Variants in NRXN1 observed in about 807,000 individuals in gnomAD.
NRXN1 encodes neurexin-1.
In NRXN1, 39 loss-of-function variants were observed where a neutral mutation model predicts 150.9. The observed-to-expected ratio is 0.26, with a 90% CI of 0.20 to 0.34. The LOEUF is 0.34. Ranked by LOEUF, NRXN1 falls within the 10% of genes least tolerant of loss-of-function variation. The pLI is 1.00. For synonymous variants in NRXN1, 924 were observed against 757.0 expected, an observed-to-expected ratio of 1.22 and a Z score of -3.62; for missense variants, 1,815 against 1,949.9, an observed-to-expected ratio of 0.93 and a Z score of 1.30.
At chr2:50,491,447 G>C (rs574803016) in intron 15 of NRXN1, among the ~76,000 whole-genome samples, 1 of 152,150 alleles carries the variant, frequency 6.6e-6, no homozygotes, top group South Asian at 2.1e-4. Flanking sequence ...AAGTGGCTTC[G>C]TAGCAGGATG....
intron 17 of NRXN1, among the ~76,000 whole-genome samples, chr2:50,239,280 TTA>T (rs2065764944): frequency 6.6e-6 from 1 of 151,806 alleles, no homozygotes; most frequent in Admixed American, 6.6e-5. Context: ...GTGCTGATAC[TTA>T]ATAATTAATT....
At chr2:50,757,307 A>C (rs1701255530) in intron 5 of NRXN1, among the ~76,000 whole-genome samples, 1 of 151,816 alleles carries the variant, frequency 6.6e-6, no homozygotes, top group South Asian at 2.1e-4. Context: ...CATGTGCAAG[A>C]GAAAAAAAGT....
chr2:50,701,605 G>A (rs547017816), intron 5 of NRXN1, among the ~76,000 whole-genome samples: 58 of 152,042 alleles, frequency 3.8e-4, no homozygotes, highest in Non-Finnish European at 2.5e-4. Context: ...CTCTGTCAGC[G>A]TCCTGCATAT....
intron 8 of NRXN1, among the ~76,000 whole-genome samples, chr2:50,607,285 T>G (rs570079063): frequency 2.5e-4 from 38 of 152,178 alleles, no homozygotes; most frequent in Non-Finnish European, 5.4e-4. Flanking sequence ...ATGTTTCTAC[T>G]TGTGTCAGTT....
intron 12 of NRXN1, among the ~76,000 whole-genome samples, chr2:50,510,650 G>T (rs148036298): frequency 1.1e-3 from 167 of 152,038 alleles, no homozygotes; most frequent in African/African-American, 3.9e-3. Context: ...TATTATTTAA[G>T]CCAGATATAT....
intron 5 of NRXN1, among the ~76,000 whole-genome samples, chr2:50,720,256 G>A (rs1010501564): frequency 2.6e-5 from 4 of 151,432 alleles, no homozygotes; most frequent in Non-Finnish European, 5.9e-5. Flanking sequence ...CTTCATTTTC[G>A]AAACTCCCAC....
At chr2:50,235,767 T>C (rs779806796) in intron 18 of NRXN1, among the ~76,000 whole-genome samples, 1 of 151,944 alleles carries the variant, frequency 6.6e-6, no homozygotes, top group Non-Finnish European at 1.5e-5. Context: ...ACTTCCATGG[T>C]CGCTTAATGC....
intron 5 of NRXN1, among the ~76,000 whole-genome samples, chr2:50,662,392 C>T (rs1043965586): frequency 6.6e-6 from 1 of 151,978 alleles, no homozygotes; most frequent in African/African-American, 2.4e-5. Context: ...GAATGGTTAA[C>T]ATTTCAAGAA....
rs975336068 is a variant in NRXN1, at chr2:50,946,583, A to C, written c.773-20628T>G. ...CATTTTTAACCACATAAGAGCAAAAACACTCATTTAGGTATTTACTTACAT... is the reference window on the plus strand; with the variant it reads ...CATTTTTAACCACATAAGAGCAAAACCACTCATTTAGGTATTTACTTACAT... On this transcript the variant is annotated intron_variant, in intron 2 of 22. Transcript: ENST00000401669. 8.7e-4 allele frequency among the ~76,000 whole-genome samples: 132 copies of C among 152,242 alleles called. 1 individual carries two copies. Among genetic ancestry groups the C allele is most frequent in the African/African-American group, 3.1e-3 (129 of 41,554 alleles).
chr2:50,164,982 A>T (rs1203754472), intron 18 of NRXN1, among the ~76,000 whole-genome samples: 1 of 152,114 alleles, frequency 6.6e-6, no homozygotes, highest in Non-Finnish European at 1.5e-5. Context: ...ATGAGGAGAG[A>T]GAGGTGTCTA....
intron 21 of NRXN1, among the ~76,000 whole-genome samples, chr2:50,000,659 C>G (rs896537043): frequency 1.3e-5 from 2 of 152,154 alleles, no homozygotes; most frequent in Admixed American, 6.5e-5. Flanking sequence ...GAATATGACT[C>G]TAGATAATAG....
chr2:49,922,579 C>T (rs571784802), intron 22 of NRXN1, among the ~76,000 whole-genome samples: 2 of 152,148 alleles, frequency 1.3e-5, no homozygotes, highest in African/African-American at 4.8e-5. Flanking sequence ...ACAAACCCAG[C>T]ATAAAGAAAA....
chr2:50,582,712 T>C (rs545624248), intron 8 of NRXN1, among the ~76,000 whole-genome samples: 27 of 151,950 alleles, frequency 1.8e-4, no homozygotes, highest in Non-Finnish European at 3.4e-4. Context: ...TAGGTTTGTG[T>C]TTATTTCTAA....
intron 5 of NRXN1, among the ~76,000 whole-genome samples, chr2:50,845,965 TA>T (rs1005091846): frequency 3.3e-5 from 5 of 152,248 alleles, no homozygotes; most frequent in African/African-American, 1.2e-4. Flanking sequence ...AATCAACTGC[TA>T]ATAGCACATT....
intron 5 of NRXN1, among the ~76,000 whole-genome samples, chr2:50,719,010 A>G (rs1474409361): frequency 1.3e-5 from 2 of 150,220 alleles, no homozygotes; most frequent in Admixed American, 1.3e-4. Flanking sequence ...ATTTATAAAT[A>G]TATTCATAAA....
In NRXN1 at chr2:49,989,088, T is replaced by C. The variant is rs112677441; in HGVS notation, c.4129-45297A>G. 5.9e-5 allele frequency among the ~76,000 whole-genome samples: 9 copies of C among 152,298 alleles called. 1 individual carries two copies. The highest frequency in any genetic ancestry group is 2.2e-4 in the African/African-American group (9 of 41,570). Reference sequence around the variant, plus strand: ...TATTTTAAGCTTATGAATGCTAAGATTGTTTAATTCTTAATAAGCTGATAG... The same window carrying C: ...TATTTTAAGCTTATGAATGCTAAGACTGTTTAATTCTTAATAAGCTGATAG... On this transcript the variant is annotated intron_variant, in intron 21 of 22. Transcript: ENST00000401669.
At chr2:50,223,222 G>C (rs2064042232) in intron 18 of NRXN1, among the ~76,000 whole-genome samples, 1 of 151,830 alleles carries the variant, frequency 6.6e-6, no homozygotes, top group Non-Finnish European at 1.5e-5. Context: ...TATAAATACA[G>C]TCTACTGAGA....
intron 19 of NRXN1, among the ~76,000 whole-genome samples, chr2:50,082,039 C>T (rs1192652494): frequency 2.6e-5 from 4 of 152,118 alleles, no homozygotes; most frequent in Admixed American, 6.5e-5. Context: ...TTCCTAAAAA[C>T]CTAATACTCT....
chr2:50,618,319 C>G (rs1409223613), intron 8 of NRXN1, among the ~76,000 whole-genome samples: 1 of 152,114 alleles, frequency 6.6e-6, no homozygotes, highest in Non-Finnish European at 1.5e-5. Flanking sequence ...GTTTGAGATG[C>G]TCATATTCTG....
Sources: gnomAD v4.1 joint callset for allele counts (sites outside exome capture counted in the v4.1 genomes callset) on GRCh38, gnomAD v4.1.1 for gene constraint, MANE v1.5 for transcripts, NCBI Gene and HGNC (gene_info 2026-07-23, HGNC 2026-07-21) for gene names.